Variants in SBF2 observed in about 807,000 individuals in gnomAD.
SBF2 encodes myotubularin-related protein 13.
Under a neutral mutation model 225.2 loss-of-function variants are expected in SBF2, and 112 were observed. The ratio of observed to expected loss-of-function variants is 0.50; its 90% CI spans 0.43 to 0.58. The LOEUF is 0.58. Ranked by LOEUF, SBF2 falls within the 20% of genes least tolerant of loss-of-function variation. The pLI is 0.00. For synonymous variants in SBF2, 763 were observed against 773.3 expected (o/e 0.99, Z 0.22); for missense variants, 1,996 against 2,206.2 (o/e 0.90, Z 1.91).
At chr11:9,883,683 T>C (rs971174505) in intron 17 of SBF2, among the ~76,000 whole-genome samples, 3 of 152,184 alleles carry the variant, frequency 2.0e-5, no homozygotes, top group African/African-American at 7.2e-5. Context: ...GGCTAGGTCT[T>C]CGATGTTGAG....
At chr11:9,812,826 G>A in intron 29 of SBF2, 118 bp from the exon 30 acceptor site, 1 of 975,220 alleles carries the variant, frequency 1.0e-6, no homozygotes, top group Non-Finnish European at 1.6e-6. Context: ...TGCAGAGGCT[G>A]CCAATGGGTC....
intron 2 of SBF2, among the ~76,000 whole-genome samples, chr11:10,161,533 G>T (rs908939170): frequency 3.9e-5 from 6 of 152,172 alleles, no homozygotes; most frequent in African/African-American, 1.4e-4. Context: ...CTGTTCACCA[G>T]TATCCATTTT....
In SBF2 at chr11:10,101,659, C is replaced by CTGTGTGTGTGTG. The variant is rs144213559; in HGVS notation, c.142-58690_142-58679dup. ...TTCTGGTGTGTCTCTCTCTCTCGCT[C>CTGTGTGTGTGTG]TGTGTGTGTGTGTGTGTGTGTGTGT... On this transcript the variant is annotated intron_variant, in intron 2 of 39. Coordinates refer to ENST00000256190, the MANE Select transcript of SBF2 (RefSeq NM_030962.4). Among the ~76,000 whole-genome samples the CTGTGTGTGTGTG allele has an allele frequency of 4.7e-4, 70 of 148,154 alleles. 1 individual carries two copies. The East Asian group carries it at 7.0e-3, about 15-fold the overall frequency.
At chr11:10,017,654 G>T (rs1948703826) in intron 6 of SBF2, among the ~76,000 whole-genome samples, 1 of 152,114 alleles carries the variant, frequency 6.6e-6, no homozygotes, top group East Asian at 1.9e-4. Flanking sequence ...AAAGTAAAAA[G>T]TGTGGTAAAT....
intron 1 of SBF2, among the ~76,000 whole-genome samples, chr11:10,218,241 G>A (rs957368495): frequency 6.6e-6 from 1 of 151,950 alleles, no homozygotes; most frequent in Non-Finnish European, 1.5e-5. Context: ...GTGAGTGTGT[G>A]CAGGGGAACT....
chr11:9,944,957 T>C (rs1447310895), intron 16 of SBF2, among the ~76,000 whole-genome samples: 1 of 151,904 alleles, frequency 6.6e-6, no homozygotes, highest in Non-Finnish European at 1.5e-5. Flanking sequence ...AATAAAAAAT[T>C]AGCCAAGTGT....
At chr11:9,889,930 G>GCA (rs1860656879) in intron 17 of SBF2, among the ~76,000 whole-genome samples, 5 of 151,674 alleles carry the variant, frequency 3.3e-5, no homozygotes, top group Non-Finnish European at 2.9e-5. Flanking sequence ...TTGAGACGGA[G>GCA]TCTCACTTTG....
At chr11:10,215,939 A>C (rs1384169084) in intron 1 of SBF2, among the ~76,000 whole-genome samples, 1 of 152,230 alleles carries the variant, frequency 6.6e-6, no homozygotes, top group Non-Finnish European at 1.5e-5. Context: ...TCCCCAAGTA[A>C]GTCAGGTCCA....
At chr11:9,827,583 A>T (rs184267827) in intron 28 of SBF2, among the ~76,000 whole-genome samples, 1 of 152,244 alleles carries the variant, frequency 6.6e-6, no homozygotes, top group African/African-American at 2.4e-5. Context: ...CAGAGTGAAA[A>T]GAATCTCACA....
chr11:9,923,309 A>AAACAAC (rs112653428), intron 16 of SBF2, among the ~76,000 whole-genome samples: 2,283 of 151,466 alleles, frequency 0.015, 25 homozygotes, highest in South Asian at 0.029. Flanking sequence ...CCCTAGTTAA[A>AAACAAC]AACAACAACA....
chr11:9,782,322 C>T (rs1202450262), intron 38 of SBF2, among the ~76,000 whole-genome samples: 1 of 151,930 alleles, frequency 6.6e-6, no homozygotes, highest in Non-Finnish European at 1.5e-5. Context: ...CAAAATATCT[C>T]AACAGGCGAG....
intron 2 of SBF2, among the ~76,000 whole-genome samples, chr11:10,153,484 T>A (rs1026769825): frequency 6.6e-6 from 1 of 151,996 alleles, no homozygotes; most frequent in Admixed American, 6.5e-5. Flanking sequence ...CTGAATAAAA[T>A]AAAACACAAT....
rs1040145094 is a variant in SBF2 at position 9,896,517 on chromosome 11, C to T, written c.1861-506G>A. Among the ~76,000 whole-genome samples the T allele has an allele frequency of 2.0e-5, 3 of 152,056 alleles. No homozygotes were observed. In the East Asian group the frequency reaches 5.8e-4, roughly 29 times the overall value. On this transcript the variant is annotated intron_variant, in intron 16 of 39. Coordinates refer to ENST00000256190, the MANE Select transcript of SBF2 (RefSeq NM_030962.4). Reference sequence around the variant, plus strand: ...AAAAAGGGTTATCTTTCAGGCTGGGCGCGGTGGCTCATGCCTGTAATCCCA... The same window carrying T: ...AAAAAGGGTTATCTTTCAGGCTGGGTGCGGTGGCTCATGCCTGTAATCCCA...
At chr11:10,265,256 C>T (rs1219153725) in intron 1 of SBF2, among the ~76,000 whole-genome samples, 1 of 152,102 alleles carries the variant, frequency 6.6e-6, no homozygotes, top group African/African-American at 2.4e-5. Flanking sequence ...TGTTTCTTGA[C>T]TTTTTAATGA....
At chr11:10,196,866 A>ATATATATATATTTTTTTTTTTTTTT in intron 1 of SBF2, among the ~76,000 whole-genome samples, 4 of 99,310 alleles carry the variant, frequency 4.0e-5, no homozygotes, top group Non-Finnish European at 5.9e-5. Flanking sequence ...ATATATATAT[A>ATATATATATATTTTTTTTTTTTTTT]TTTTTTTTTT....
intron 28 of SBF2, chr11:9,828,576 G>C: frequency 1.0e-6 from 1 of 985,374 alleles, no homozygotes; most frequent in South Asian, 4.7e-5. Context: ...ATGCTCCTGT[G>C]TCTAACACAT....
intron 2 of SBF2, among the ~76,000 whole-genome samples, chr11:10,049,035 C>T (rs553866531): frequency 6.6e-6 from 1 of 152,304 alleles, no homozygotes; most frequent in East Asian, 1.9e-4. Flanking sequence ...AATACTCCTT[C>T]CTCTTCCAAT....
At chr11:9,828,884 T>G (rs973417188) in intron 28 of SBF2, among the ~76,000 whole-genome samples, 2 of 149,672 alleles carry the variant, frequency 1.3e-5, no homozygotes, top group South Asian at 4.2e-4. Context: ...CCTCTCCAAT[T>G]ACTCTTTTGA....
intron 1 of SBF2, 23 bp from the exon 2 acceptor site, chr11:10,194,010 T>C (rs1461643573): frequency 1.3e-6 from 2 of 1,486,056 alleles, no homozygotes; most frequent in South Asian, 1.1e-5. Flanking sequence ...TCAAAGTGAA[T>C]CATTATTATA....
Sources: gnomAD v4.1 joint callset for allele counts (sites outside exome capture counted in the v4.1 genomes callset) on GRCh38, gnomAD v4.1.1 for gene constraint, MANE v1.5 for transcripts, NCBI Gene and HGNC (gene_info 2026-07-23, HGNC 2026-07-21) for gene names.